The following AFG3L2 variants were observed in gnomAD, a reference collection of about 807,000 sequenced individuals.
AFG3L2 encodes the protein AFG3 like matrix AAA peptidase subunit 2, also known as mitochondrial inner membrane m-AAA protease component AFG3L2.
Under a neutral mutation model 94.5 loss-of-function variants are expected in AFG3L2, and 54 were observed. The ratio of observed to expected loss-of-function variants is 0.57; its 90% CI spans 0.46 to 0.72. AFG3L2 has a LOEUF of 0.72. Among genes scored for constraint, AFG3L2 ranks in the 30% least tolerant of loss-of-function variants. The pLI is 0.00. For synonymous variants in AFG3L2, 377 were observed against 365.5 expected (o/e 1.03, Z -0.36); for missense variants, 754 against 994.9 (o/e 0.76, Z 3.26).
intron 13 of AFG3L2, among the ~76,000 whole-genome samples, chr18:12,346,102 C>A (rs1488974483): frequency 6.6e-6 from 1 of 152,192 alleles, no homozygotes; most frequent in African/African-American, 2.4e-5. Flanking sequence ...GCCAGCGCCT[C>A]ATTTCCTGTC....
At chr18:12,366,841 T>C (rs1908821826) in intron 5 of AFG3L2, 124 bp downstream of exon 5, 14 of 1,354,518 alleles carry the variant, frequency 1.0e-5, no homozygotes, top group Non-Finnish European at 1.3e-5. Flanking sequence ...TAGAAAAATC[T>C]GAGTGAAAAT....
At chr18:12,368,384 CAAAA>C (rs1908874131) in intron 3 of AFG3L2, among the ~76,000 whole-genome samples, 1 of 151,942 alleles carries the variant, frequency 6.6e-6, no homozygotes, top group Non-Finnish European at 1.5e-5. Context: ...CAAAACAAAA[CAAAA>C]GTAAGTACTC....
rs1405720928 is a variant in AFG3L2, at chr18:12,367,197, C to T, written c.399+79G>A. 1.9e-6 allele frequency: 3 copies of T among 1,611,906 alleles called. No homozygotes were observed. The African/African-American group carries it at 4.0e-5, about 22-fold the overall frequency. On this transcript the variant is annotated intron_variant, in intron 4 of 16. Coordinates refer to ENST00000269143, the MANE Select transcript of AFG3L2 (RefSeq NM_006796.3). Reference sequence around the variant, plus strand: ...ATGCTCTGTGAGACACAAATCCCTCCAACACTACACTAATGCCTCCCAACC... The same window carrying T: ...ATGCTCTGTGAGACACAAATCCCTCTAACACTACACTAATGCCTCCCAACC...
At position 12,363,871 on chromosome 18, in the gene AFG3L2, A is replaced by C; in HGVS notation, c.553-15T>G. ...AATCTGTCTACCTAGAATTTTAAAA[A>C]TAAATTCACACATAAATTCACAGAA... On this transcript the variant is annotated splice_polypyrimidine_tract_variant and intron_variant, in intron 5 of 16. Transcript: ENST00000269143. The C allele has an allele frequency of 6.3e-7, 1 of 1,581,654 alleles. No individual in the cohort carries two copies. The highest frequency in any genetic ancestry group is 8.7e-7 in the Non-Finnish European group (1 of 1,150,972).
intron 14 of AFG3L2, among the ~76,000 whole-genome samples, 154 bp from the exon 15 acceptor site, chr18:12,340,555 C>G (rs762536816): frequency 9.2e-5 from 14 of 151,612 alleles, no homozygotes; most frequent in Non-Finnish European, 1.5e-4. Context: ...AGTGACTGCT[C>G]AGGAGGAGTA....
intron 1 of AFG3L2, among the ~76,000 whole-genome samples, chr18:12,375,426 AAC>A (rs1194102398): frequency 6.6e-6 from 1 of 151,674 alleles, no homozygotes; most frequent in Non-Finnish European, 1.5e-5. Context: ...AAAAAAAAAA[AAC>A]AATTTGTAGA....
At chr18:12,362,975 G>A (rs1043232917) in intron 6 of AFG3L2, among the ~76,000 whole-genome samples, 4 of 152,230 alleles carry the variant, frequency 2.6e-5, no homozygotes, top group African/African-American at 9.6e-5. Context: ...AATAGGCATT[G>A]CATCACTAGG....
chr18:12,356,554 T>C, intron 9 of AFG3L2, 140 bp downstream of exon 9: 1 of 1,252,334 alleles, frequency 8.0e-7, no homozygotes, highest in Non-Finnish European at 1.2e-6. Context: ...GTCTTAGGCC[T>C]GGAGGAGAGC....
At chr18:12,371,807 A>T in intron 1 of AFG3L2, 116 bp from the exon 2 acceptor site, 3 of 832,258 alleles carry the variant, frequency 3.6e-6, no homozygotes, top group Non-Finnish European at 3.9e-6. Context: ...GGTGGTTATG[A>T]AGTAACACAG....
chr18:12,359,728 C>T (rs754195968), intron 7 of AFG3L2, among the ~76,000 whole-genome samples, 199 bp downstream of exon 7: 3 of 151,590 alleles, frequency 2.0e-5, no homozygotes, highest in Non-Finnish European at 4.4e-5. Context: ...GGCGACAGAG[C>T]GAAACCCCAC....
At chr18:12,346,306 C>T (rs1908132965) in intron 13 of AFG3L2, among the ~76,000 whole-genome samples, 1 of 152,140 alleles carries the variant, frequency 6.6e-6, no homozygotes, top group Non-Finnish European at 1.5e-5. Flanking sequence ...CCAAGTGTCC[C>T]CAACCGCCCA....
At chr18:12,331,655 G>A (rs892768877) in intron 16 of AFG3L2, among the ~76,000 whole-genome samples, 1 of 151,840 alleles carries the variant, frequency 6.6e-6, no homozygotes, top group Non-Finnish European at 1.5e-5. Context: ...TTAGCCTGGC[G>A]TTGTGGCACC....
At chr18:12,349,890 G>A (rs1229450044) in intron 12 of AFG3L2, among the ~76,000 whole-genome samples, 2 of 152,038 alleles carry the variant, frequency 1.3e-5, no homozygotes, top group Non-Finnish European at 1.5e-5. Flanking sequence ...TTGAACTCCT[G>A]ACGTCAGGTG....
rs1294679535 is a variant in AFG3L2, at chr18:12,351,175, T to C, written c.1462A>G (p.Lys488Glu). ...AGTTTTAGCGGTCGGAGATGAACTTTGAAAATAGAAGCTCTTCCTTTTATG... is the reference window on the plus strand; with the variant it reads ...AGTTTTAGCGGTCGGAGATGAACTTCGAAAATAGAAGCTCTTCCTTTTATG... ...PDIKGRASIFKVHLRPLKLDS... is the reference protein window; with the variant it reads ...PDIKGRASIFEVHLRPLKLDS... The change falls in exon 12 of 17, where the codon AAA becomes GAA. Residue 488 changes from lysine (K) to glutamate (E), a missense_variant. By Grantham distance (56) the Lys-to-Glu change is moderately conservative. This residue lies in a region of AFG3L2 where 279 missense variants were observed against 378.6 expected (regional missense o/e 0.74). Transcript: ENST00000269143. 5 of 1,614,008 alleles carry C rather than the reference T, an allele frequency of 3.1e-6. No individual in the cohort carries two copies. The East Asian group carries it at 1.1e-4, about 36-fold the overall frequency.
chr18:12,365,868 ATTC>A (rs1332149785), intron 5 of AFG3L2, among the ~76,000 whole-genome samples: 3 of 132,398 alleles, frequency 2.3e-5, no homozygotes, highest in Non-Finnish European at 4.7e-5. Context: ...CACTGCATCA[ATTC>A]TTTTTTTTTT....
intron 1 of AFG3L2, among the ~76,000 whole-genome samples, chr18:12,372,404 T>A (rs540931681): frequency 9.6e-4 from 146 of 152,316 alleles, no homozygotes; most frequent in African/African-American, 3.2e-3. Context: ...TGGGTGAGGA[T>A]GTGAGAAACT....
chr18:12,354,759 C>T (rs1457106032), intron 9 of AFG3L2, among the ~76,000 whole-genome samples: 1 of 152,180 alleles, frequency 6.6e-6, no homozygotes, highest in South Asian at 2.1e-4. Flanking sequence ...CTGCAACCCA[C>T]CAGGCCCACC....
intron 13 of AFG3L2, among the ~76,000 whole-genome samples, chr18:12,345,997 T>A (rs1425136898): frequency 6.6e-6 from 1 of 152,154 alleles, no homozygotes; most frequent in Non-Finnish European, 1.5e-5. Flanking sequence ...TTTTGTACCC[T>A]CTACTCAGAT....
chr18:12,341,757 A>G (rs1037865874), intron 14 of AFG3L2: 1 of 152,246 alleles, frequency 6.6e-6, no homozygotes, highest in African/African-American at 2.4e-5. Context: ...TCTTGGGGAA[A>G]TAAAAGTTGA....
Sources: gnomAD v4.1 joint callset for allele counts (sites outside exome capture counted in the v4.1 genomes callset) on GRCh38, gnomAD v4.1.1 for gene constraint, gnomAD v4.1.1 regional missense constraint, MANE v1.5 for transcripts, NCBI Gene and HGNC (gene_info 2026-07-23, HGNC 2026-07-21) for gene names.